Variants in MTMR10 observed in about 807,000 individuals in gnomAD.
MTMR10 encodes the protein myotubularin-related protein 10.
Under a neutral mutation model 88.1 loss-of-function variants are expected in MTMR10, and 56 were observed. The observed-to-expected ratio is 0.64, with a 90% CI of 0.51 to 0.79. MTMR10 has a LOEUF of 0.79. Ranked by LOEUF, MTMR10 falls within the 30% of genes least tolerant of loss-of-function variation. The pLI, the probability that MTMR10 is intolerant of heterozygous loss-of-function variation, is 0.00. For missense variants in MTMR10, 883 were observed against 924.7 expected (o/e 0.95, Z 0.58); for synonymous variants, 380 against 340.9 (o/e 1.11, Z -1.26).
Position 30,960,904 on chromosome 15 carries a change from G to C in MTMR10, c.735C>G (p.Asn245Lys). 6.2e-7 allele frequency: 1 copy of C among 1,610,856 alleles called. No homozygotes were observed. The highest frequency in any genetic ancestry group is 2.2e-5 in the East Asian group (1 of 44,804). ...ACCAAGTGGATATCATGTAACCCTC[G>C]TTAATAGAACAAACTCTCCACCCGG... ...GASGWRVCSI[N>K]EGYMISTCLP... is the part of the protein sequence containing the mutation. The change falls in exon 7 of 16, where the codon AAC (asparagine) becomes AAG (lysine). Residue 245 changes from asparagine (N) to lysine (K), a missense_variant. Around this residue, in one of 3 missense-constraint regions of MTMR10, gnomAD observed 414 missense variants for 423.2 expected, o/e 0.98. Coordinates refer to ENST00000435680, the MANE Select transcript of MTMR10 (RefSeq NM_017762.3).
intron 2 of MTMR10, among the ~76,000 whole-genome samples, chr15:30,989,676 G>A (rs1204487033): frequency 6.6e-6 from 1 of 150,918 alleles, no homozygotes; most frequent in Non-Finnish European, 1.5e-5. Context: ...TCCGCCTCCC[G>A]AGTTCATGCC....
In MTMR10 at chr15:30,974,452, G is replaced by A. The variant is rs749078361; in HGVS notation, c.336C>T (p.Asn112=). The A allele has an allele frequency of 9.3e-6, 14 of 1,509,878 alleles. No homozygotes were observed. The highest frequency in any genetic ancestry group is 2.3e-5 in the East Asian group (1 of 42,602). The allele number at this position is 1,509,878 out of a possible 1,614,324, so 93.5% of individuals were successfully genotyped here. A position where few individuals can be genotyped will look rare whatever the true frequency, so the allele number is the denominator to read the frequency against. The change falls in exon 5 of 16, where the codon AAC becomes AAT. Residue 112 remains asparagine, a synonymous_variant. Coordinates refer to ENST00000435680, the MANE Select transcript of MTMR10 (RefSeq NM_017762.3). ...GGACTTTCTGCTTCCTCTTGTGGTC[G>A]TTTACTAAAAAAGAAAAAAAAATAG... ...LTCIEQIVTV[N]DHKRKQKVLG...
intron 2 of MTMR10, among the ~76,000 whole-genome samples, chr15:30,981,010 T>C (rs778795635): frequency 6.6e-6 from 1 of 152,208 alleles, no homozygotes; most frequent in Non-Finnish European, 1.5e-5. Context: ...AACAAAATCA[T>C]GATTAGAACA....
chr15:30,974,875 AAAT>A (rs2029994922), intron 4 of MTMR10, 53 bp downstream of exon 4: 1 of 1,229,216 alleles, frequency 8.1e-7, no homozygotes, highest in Admixed American at 3.2e-5. Flanking sequence ...ATGACTTTTC[AAAT>A]AATACTTCCA....
Position 30,959,080 on chromosome 15 carries a change from T to C in MTMR10, c.800A>G (p.Gln267Arg). Reference protein sequence around the residue: ...YIVVPSSLADQDLKIFSHSFV... With the variant: ...YIVVPSSLADRDLKIFSHSFV... ...AGAATGGGAAAAGATCTTTAGATCT[T>C]GGTCTGCTAAAGAACTTGGCACTAC... is the stretch of plus-strand genomic sequence containing the variant. The change falls in exon 8 of 16, where the codon CAA (glutamine) becomes CGA (arginine). Residue 267 changes from glutamine (Q) to arginine (R), a missense_variant. Transcript: ENST00000435680. 1 of 1,610,812 alleles carries C rather than the reference T, an allele frequency of 6.2e-7. No individual in the cohort carries two copies. The highest frequency in any genetic ancestry group is 8.5e-7 in the Non-Finnish European group (1 of 1,178,202).
intron 2 of MTMR10, among the ~76,000 whole-genome samples, chr15:30,989,775 T>G (rs12903667): frequency 6.6e-6 from 1 of 151,112 alleles, no homozygotes; most frequent in Non-Finnish European, 1.5e-5. Context: ...TTAGTAGAGA[T>G]GGGGTTTCAC....
chr15:30,937,403 G>GT (rs1160434339), downstream of MTMR10: 1 of 610,326 alleles, frequency 1.6e-6, no homozygotes, highest in Non-Finnish European at 2.6e-6. Flanking sequence ...ACAAAACAGT[G>GT]TTTGCTTGAA....
rs375339800 is a variant in MTMR10 at position 30,941,617 on chromosome 15, C to T, written c.2187G>A (p.Ser729=). The T allele has an allele frequency of 1.4e-5, 22 of 1,602,502 alleles. No homozygotes were observed. Among genetic ancestry groups the T allele is most frequent in the African/African-American group, 6.7e-5 (5 of 74,710 alleles). The change falls in exon 16 of 16, where the codon TCG becomes TCA. Residue 729 remains serine, a synonymous_variant. Transcript: ENST00000435680. ...AGGAGGAGAGAAACTCCGGTGTCCC[C>T]GAGGTGTCGGTGTGGTGAGGGCCGC... ...NASGPHHTDT[S]GTPEFLSSSF...
the MTMR10 span, chr15:30,930,682 GC>G: frequency 6.2e-7 from 1 of 1,612,382 alleles, no homozygotes. Flanking sequence ...GTCAGTTGAG[GC>G]AGAATGGAAA....
chr15:30,936,948 A>G (rs369608570), downstream of MTMR10, among the ~76,000 whole-genome samples: 12 of 152,312 alleles, frequency 7.9e-5, no homozygotes, highest in South Asian at 1.7e-3. Context: ...AAAAAATCCT[A>G]AGGTGAACCA....
chr15:30,935,805 C>CA (rs768433194), downstream of MTMR10, among the ~76,000 whole-genome samples: 9 of 152,174 alleles, frequency 5.9e-5, no homozygotes, highest in Non-Finnish European at 1.3e-4. Flanking sequence ...AGTCTACTGT[C>CA]TTCTAACTAG....
chr15:30,945,086 C>T lies in MTMR10; in HGVS notation c.1549-2014G>A, dbSNP rs546096766. Reference sequence around the variant, plus strand: ...TTTATCCCAAGAGAGACCAGATTTTCTATAAACACTACCTGGCCACTAGCA... The same window carrying T: ...TTTATCCCAAGAGAGACCAGATTTTTTATAAACACTACCTGGCCACTAGCA... On this transcript the variant is annotated intron_variant, in intron 14 of 15. Transcript: ENST00000435680. Among the ~76,000 whole-genome samples the T allele has an allele frequency of 1.0e-3, 159 of 151,750 alleles. 1 individual carries two copies. The highest frequency in any genetic ancestry group is 1.3e-3 in the Non-Finnish European group (88 of 67,938).
In MTMR10 at chr15:30,960,892, C is replaced by A. The variant is rs747316109; in HGVS notation, c.747G>T (p.Met249Ile). Residue 249 changes from methionine to isoleucine, a missense_variant, in exon 7 of 16, where the codon ATG (methionine) becomes ATT (isoleucine). Physicochemically the swap from Met to Ile is conservative, Grantham distance 10 (BLOSUM62 1). This residue lies in a region of MTMR10 where 414 missense variants were observed against 423.2 expected (regional missense o/e 0.98). Coordinates refer to ENST00000435680, the MANE Select transcript of MTMR10 (RefSeq NM_017762.3). Reference protein sequence around the residue: ...WRVCSINEGYMISTCLPEYIV... With the variant: ...WRVCSINEGYIISTCLPEYIV... The stretch of plus-strand genomic sequence containing the variant: ...AAAATTGTACTTACCAAGTGGATAT[C>A]ATGTAACCCTCGTTAATAGAACAAA... 1 of 1,604,708 alleles carries A rather than the reference C, an allele frequency of 6.2e-7. No homozygotes were observed.
intron 9 of MTMR10, among the ~76,000 whole-genome samples, chr15:30,955,650 G>T (rs1011252535): frequency 2.0e-5 from 3 of 152,150 alleles, no homozygotes; most frequent in Non-Finnish European, 4.4e-5. Flanking sequence ...CTGCCAAGGG[G>T]GGGGCGGGGC....
chr15:30,991,240 G>T (rs1032538841), intron 1 of MTMR10: 2 of 505,744 alleles, frequency 4.0e-6, no homozygotes, highest in African/African-American at 2.0e-5. Flanking sequence ...GCAGAGAATG[G>T]CTGCAGAAGA....
chr15:30,959,842 G>A (rs542178211), intron 7 of MTMR10, among the ~76,000 whole-genome samples: 2 of 152,124 alleles, frequency 1.3e-5, no homozygotes, highest in African/African-American at 2.4e-5. Flanking sequence ...TTATGTGCGT[G>A]AACTAATGAG....
At chr15:30,942,308 G>A in intron 15 of MTMR10, 1 of 577,534 alleles carries the variant, frequency 1.7e-6, no homozygotes, top group Admixed American at 3.2e-5. Flanking sequence ...CGGGATGAGA[G>A]TACCTCCTAT....
chr15:30,986,615 A>G (rs138759838), intron 2 of MTMR10, among the ~76,000 whole-genome samples: 26 of 152,330 alleles, frequency 1.7e-4, no homozygotes, highest in Non-Finnish European at 3.5e-4. Flanking sequence ...AATAAAAGAC[A>G]ATCTTTTAAA....
chr15:30,985,090 C>T (rs1020729342), intron 2 of MTMR10, among the ~76,000 whole-genome samples: 1 of 152,240 alleles, frequency 6.6e-6, no homozygotes, highest in Non-Finnish European at 1.5e-5. Flanking sequence ...GGCATTTCAA[C>T]TCTTCTCCCT....
Sources: allele counts gnomAD v4.1 joint callset (sites outside exome capture counted in the v4.1 genomes callset), GRCh38; gene constraint gnomAD v4.1.1; regional missense constraint gnomAD v4.1.1; transcripts MANE v1.5; gene names NCBI Gene and HGNC (gene_info 2026-07-23, HGNC 2026-07-21).